Variants in LMNB1 observed in about 807,000 individuals in gnomAD.
LMNB1 encodes the protein lamin-B1.
Under a neutral mutation model 67.1 loss-of-function variants are expected in LMNB1, and 23 were observed. The ratio of observed to expected loss-of-function variants is 0.34; its 90% confidence interval spans 0.25 to 0.49. The LOEUF (loss-of-function observed/expected upper bound fraction) is 0.49. Among genes scored for constraint, LMNB1 ranks in the 20% least tolerant of loss-of-function variants. LMNB1 has a pLI of 0.99. For synonymous variants in LMNB1, 281 were observed against 282.9 expected (o/e 0.99, Z 0.07); for missense variants, 634 against 746.5 (o/e 0.85, Z 1.76).
chr5:126,809,199 C>G (rs1374745213), intron 3 of LMNB1, among the ~76,000 whole-genome samples: 1 of 152,190 alleles, frequency 6.6e-6, no homozygotes, highest in Non-Finnish European at 1.5e-5. Context: ...TATTTAGACA[C>G]TTCCTTAAAA....
chr5:126,807,649 T>C (rs1055745280), intron 3 of LMNB1, among the ~76,000 whole-genome samples: 7 of 152,250 alleles, frequency 4.6e-5, no homozygotes, highest in African/African-American at 1.4e-4. Flanking sequence ...TTGTTTTGTT[T>C]TGTAAAAATT....
In LMNB1 at chr5:126,806,979, G is replaced by A. The variant is rs188325031; in HGVS notation, c.642+1283G>A. Among the ~76,000 whole-genome samples the A allele has an allele frequency of 7.9e-5, 12 of 152,114 alleles. No individual in the cohort carries two copies. The East Asian group carries it at 1.9e-3, about 25-fold the overall frequency. ...TTTTTAATAGAGACGAGGTTCCACC[G>A]TGTTAGCCAGGATGGTCTCAATCTC... On this transcript the variant is annotated intron_variant, in intron 3 of 10. Transcript: ENST00000261366.
chr5:126,786,258 G>T (rs1027880958), intron 1 of LMNB1, among the ~76,000 whole-genome samples: 5 of 151,236 alleles, frequency 3.3e-5, no homozygotes, highest in Admixed American at 3.3e-4. Flanking sequence ...AAGTAGCTGG[G>T]ACTACAGGTG....
intron 1 of LMNB1, among the ~76,000 whole-genome samples, chr5:126,801,038 C>T (rs1208966693): frequency 1.6e-5 from 2 of 127,994 alleles, no homozygotes; most frequent in East Asian, 4.7e-4. Flanking sequence ...GGCTGGAGTG[C>T]AGTGGCACGA....
At chr5:126,811,970 T>G (rs1751588793) in intron 5 of LMNB1, 72 bp downstream of exon 5, 1 of 1,476,250 alleles carries the variant, frequency 6.8e-7, no homozygotes. Context: ...CCTGCTTTGC[T>G]TGGGCTGATG....
chr5:126,822,843 A>G lies in LMNB1; in HGVS notation c.1449A>G (p.Lys483=). Residue 483 remains lysine (K), a synonymous_variant, in exon 8 of 11, where the codon AAA becomes AAG. Transcript: ENST00000261366. ...TTGGAGACACATCAGTCAGTTATAA[A>G]TATACCTCAAGATATGTGCTGAAGG... The part of the protein sequence containing the change: ...RKIGDTSVSY[K]YTSRYVLKAG... 2.5e-6 allele frequency: 4 copies of G among 1,612,356 alleles called. No individual in the cohort carries two copies. The highest frequency in any genetic ancestry group is 1.7e-4 in the Middle Eastern group (1 of 6,054).
rs201034735 is a variant in LMNB1 at position 126,811,951 on chromosome 5, G to A, written c.939+53G>A. ...TAGACTTGAAGGCTACCTTCACCAC[G>A]GGCACCTACCTGCTTTGCTTGGGCT... On this transcript the variant is annotated intron_variant, in intron 5 of 10. Coordinates refer to ENST00000261366, the MANE Select transcript of LMNB1 (RefSeq NM_005573.4). The A allele has an allele frequency of 1.8e-4, 276 of 1,569,428 alleles. 2 individuals are homozygous for A. The highest frequency in any genetic ancestry group is 1.4e-3 in the Middle Eastern group (8 of 5,894).
intron 9 of LMNB1, 52 bp downstream of exon 9, chr5:126,826,159 C>T: frequency 6.4e-7 from 1 of 1,565,570 alleles, no homozygotes; most frequent in South Asian, 1.2e-5. Context: ...TTAAAGTTCA[C>T]TGTGCAAGTA....
chr5:126,777,312 C>T lies in LMNB1; in HGVS notation c.-197C>T. 4.7e-6 allele frequency: 2 copies of T among 423,722 alleles called. No homozygotes were observed. The highest frequency in any genetic ancestry group is 7.8e-6 in the Non-Finnish European group (2 of 255,066). 26.2% of individuals were successfully genotyped at this position (423,722 alleles called of 1,614,324 possible). A position where few individuals can be genotyped will look rare whatever the true frequency, so the allele number is the denominator to read the frequency against. On this transcript the variant is annotated 5_prime_UTR_variant, in exon 1 of 11. Transcript: ENST00000261366. ...TCGATCGATTGATTCGTAGTTCCCCCCCGCGCGCCTTTGCCCTTTGTGCTG... is the reference window on the plus strand; with the variant it reads ...TCGATCGATTGATTCGTAGTTCCCCTCCGCGCGCCTTTGCCCTTTGTGCTG...
chr5:126,812,718 C>CT (rs11430160), intron 5 of LMNB1, among the ~76,000 whole-genome samples: 5,304 of 116,796 alleles, frequency 0.045, 552 homozygotes, highest in African/African-American at 0.15. Context: ...CTTTATTTTA[C>CT]TTTTTTTTTT....
chr5:126,783,756 ATATT>A (rs1280362276), intron 1 of LMNB1, among the ~76,000 whole-genome samples: 1 of 152,012 alleles, frequency 6.6e-6, no homozygotes, highest in African/African-American at 2.4e-5. Context: ...GTTGCTGGTT[ATATT>A]TATTCTTTCG....
At chr5:126,831,475 GA>G (rs778565000) in intron 9 of LMNB1, among the ~76,000 whole-genome samples, 3 of 152,152 alleles carry the variant, frequency 2.0e-5, no homozygotes, top group Non-Finnish European at 2.9e-5. Flanking sequence ...TGAATGATAG[GA>G]GACCTATTTC....
At chr5:126,823,557 G>C (rs1352697531) in intron 8 of LMNB1, among the ~76,000 whole-genome samples, 1 of 152,134 alleles carries the variant, frequency 6.6e-6, no homozygotes. Context: ...TGTTAACTTT[G>C]ATACAGATTT....
chr5:126,792,002 C>G (rs560923970), intron 1 of LMNB1, among the ~76,000 whole-genome samples: 1 of 151,940 alleles, frequency 6.6e-6, no homozygotes, highest in Non-Finnish European at 1.5e-5. Context: ...AGGCTGGTCT[C>G]GAACTCCTGA....
chr5:126,817,335 C>G (rs1164313908), intron 5 of LMNB1, among the ~76,000 whole-genome samples: 1 of 152,118 alleles, frequency 6.6e-6, no homozygotes, highest in Non-Finnish European at 1.5e-5. Context: ...CCAAGGAGCC[C>G]TGGTTCTTGT....
intron 5 of LMNB1, among the ~76,000 whole-genome samples, chr5:126,818,384 G>A (rs1029584917): frequency 3.3e-5 from 5 of 151,748 alleles, no homozygotes; most frequent in Non-Finnish European, 7.4e-5. Flanking sequence ...GATTACAGGC[G>A]CCCACCACTA....
chr5:126,826,126 G>T lies in LMNB1; in HGVS notation c.1611+19G>T. On this transcript the variant is annotated intron_variant, in intron 9 of 10. Transcript: ENST00000261366. ...GGGAGAGGTATGGCCAGTTTATCAG[G>T]ACCACCACAATGTTAATTTCACTTA... 1.9e-6 allele frequency: 3 copies of T among 1,599,180 alleles called. No homozygotes were observed. The highest frequency in any genetic ancestry group is 2.6e-6 in the Non-Finnish European group (3 of 1,170,844).
intron 10 of LMNB1, among the ~76,000 whole-genome samples, chr5:126,834,643 G>A (rs1752209451): frequency 6.6e-6 from 1 of 152,236 alleles, no homozygotes; most frequent in Admixed American, 6.5e-5. Flanking sequence ...AGCAGTTTGG[G>A]AGGCAGGCAG....
At position 126,777,236 on chromosome 5, in the gene LMNB1, C is replaced by T; in HGVS notation, c.-273C>T. 1 of 330,768 alleles carries T rather than the reference C, an allele frequency of 3.0e-6. No individual in the cohort carries two copies. The allele number at this position is 330,768 out of a possible 1,614,324, so 20.5% of individuals were successfully genotyped here. On this transcript the variant is annotated 5_prime_UTR_variant, in exon 1 of 11. Transcript: ENST00000261366. ...GTCACCCTCGTCTTGCATTTTCCCG[C>T]GTGCGTGTGTGAGTGGGTGTGTGTG...
Sources: allele counts gnomAD v4.1 joint callset (sites outside exome capture counted in the v4.1 genomes callset), GRCh38; gene constraint gnomAD v4.1.1; transcripts MANE v1.5; gene names NCBI Gene and HGNC (gene_info 2026-07-23, HGNC 2026-07-21).